The following FARP1 variants were observed in gnomAD, a reference collection of about 807,000 sequenced individuals.
The protein encoded by FARP1 is FERM, ARHGEF and pleckstrin domain-containing protein 1.
In FARP1, 52 loss-of-function variants were observed where a neutral mutation model predicts 128.8. That is an observed-to-expected ratio of 0.40 (90% confidence interval 0.32 to 0.51). FARP1 has a LOEUF of 0.51. Among genes scored for constraint, FARP1 ranks in the 20% least tolerant of loss-of-function variants. The pLI, the probability that FARP1 is intolerant of heterozygous loss-of-function variation, is 0.45. For missense variants in FARP1, 1,333 were observed against 1,367.9 expected, an observed-to-expected ratio of 0.97 and a Z score of 0.40; for synonymous variants, 580 against 551.8, an observed-to-expected ratio of 1.05 and a Z score of -0.72.
intron 3 of FARP1, among the ~76,000 whole-genome samples, 173 bp from the exon 4 acceptor site, chr13:98,365,222 G>C (rs1889035132): frequency 6.6e-6 from 1 of 152,176 alleles, no homozygotes; most frequent in Non-Finnish European, 1.5e-5. Context: ...ATTAGGATCT[G>C]TTTTATAAAA....
intron 1 of FARP1, among the ~76,000 whole-genome samples, chr13:98,151,048 A>G (rs1167796814): frequency 6.6e-6 from 1 of 151,954 alleles, no homozygotes; most frequent in Non-Finnish European, 1.5e-5. Flanking sequence ...TGAATAAACA[A>G]TTCACAGGTC....
chr13:98,395,503 A>G (rs780910186), intron 13 of FARP1, 27 bp downstream of exon 13: 3 of 1,554,856 alleles, frequency 1.9e-6, no homozygotes, highest in Non-Finnish European at 2.6e-6. Flanking sequence ...TGCCAGAGGC[A>G]GCAGTACTTC....
chr13:98,200,671 C>T (rs535934851), intron 1 of FARP1, among the ~76,000 whole-genome samples: 2 of 152,108 alleles, frequency 1.3e-5, no homozygotes, highest in East Asian at 3.9e-4. Context: ...TAAGGGAGAC[C>T]CCTGCCCTCG....
chr13:98,157,407 C>T (rs551318552), intron 1 of FARP1, among the ~76,000 whole-genome samples: 4 of 152,160 alleles, frequency 2.6e-5, no homozygotes, highest in South Asian at 2.1e-4. Flanking sequence ...GCCACTGCCC[C>T]GGCCTTCCAC....
intron 6 of FARP1, among the ~76,000 whole-genome samples, chr13:98,378,939 C>A (rs189635838): frequency 0.037 from 2,087 of 56,036 alleles, 160 homozygotes; most frequent in African/African-American, 0.11. Flanking sequence ...AATATATAAT[C>A]TATATATAAT....
chr13:98,259,485 T>G (rs533442079), intron 2 of FARP1, among the ~76,000 whole-genome samples: 10 of 152,134 alleles, frequency 6.6e-5, no homozygotes, highest in African/African-American at 2.4e-4. Context: ...TGTCCCTGTG[T>G]TGGGCCTCCC....
intron 15 of FARP1, among the ~76,000 whole-genome samples, chr13:98,411,357 C>G (rs914844241): frequency 2.0e-5 from 3 of 152,176 alleles, no homozygotes; most frequent in Admixed American, 2.0e-4. Flanking sequence ...AAATTGGGAT[C>G]ACTGAGTTTC....
intron 4 of FARP1, 91 bp downstream of exon 4, chr13:98,365,528 C>G (rs1349976174): frequency 2.3e-6 from 2 of 864,602 alleles, no homozygotes; most frequent in South Asian, 1.8e-5. Flanking sequence ...GCATGAAGCA[C>G]TAGAAACACA....
Position 98,448,525 on chromosome 13 carries a change from G to A in FARP1, c.*208G>A. 5 of 567,858 alleles carry A rather than the reference G, an allele frequency of 8.8e-6. No homozygotes were observed. Among genetic ancestry groups the A allele is most frequent in the East Asian group, 3.0e-5 (1 of 33,498 alleles). 35.2% of individuals were successfully genotyped at this position (567,858 alleles called of 1,614,324 possible). On this transcript the variant is annotated 3_prime_UTR_variant, in exon 27 of 27. Transcript: ENST00000319562. ...GCTCCCACCTCCAGTCCTGGCATCC[G>A]CTGGGGGCGCTGTTCTTTAGCTAGT... is the stretch of plus-strand genomic sequence containing the variant.
At chr13:98,296,466 G>A (rs1885694406) in intron 2 of FARP1, among the ~76,000 whole-genome samples, 1 of 151,868 alleles carries the variant, frequency 6.6e-6, no homozygotes, top group African/African-American at 2.4e-5. Flanking sequence ...TCGCCAGAGT[G>A]GACATGGGCA....
intron 2 of FARP1, among the ~76,000 whole-genome samples, chr13:98,247,016 A>G (rs1883104153): frequency 1.3e-5 from 2 of 152,202 alleles, no homozygotes; most frequent in Admixed American, 6.5e-5. Flanking sequence ...ACCTGAGGTC[A>G]GGGGTTCAAG....
At chr13:98,193,883 T>G (rs915870115) in intron 1 of FARP1, among the ~76,000 whole-genome samples, 20 of 152,182 alleles carry the variant, frequency 1.3e-4, no homozygotes, top group African/African-American at 4.3e-4. Flanking sequence ...TCCTGAGTCC[T>G]TTTATTTATA....
rs1389384690 is a variant in FARP1, at chr13:98,451,436, A to T, written c.*3119A>T. 6.6e-6 allele frequency: 1 copy of T among 152,204 alleles called. No homozygotes were observed. The highest frequency in any genetic ancestry group is 2.4e-5 in the African/African-American group (1 of 41,444). 9.4% of individuals were successfully genotyped at this position (152,204 alleles called of 1,614,324 possible). A position where few individuals can be genotyped will look rare whatever the true frequency, so the allele number is the denominator to read the frequency against. On this transcript the variant is annotated 3_prime_UTR_variant, in exon 27 of 27. Transcript: ENST00000319562. ...ATTAGCAACTCAGTTCTATTTCCCC[A>T]ACCAAAATATATCCCTTATACAAAT...
At chr13:98,222,655 C>A (rs1881486841) in intron 2 of FARP1, among the ~76,000 whole-genome samples, 1 of 151,296 alleles carries the variant, frequency 6.6e-6, no homozygotes, top group East Asian at 1.9e-4. Flanking sequence ...CGGAGTCTTG[C>A]TCTGTTGCTA....
chr13:98,304,762 G>A (rs1192253283), intron 2 of FARP1, among the ~76,000 whole-genome samples: 3 of 152,216 alleles, frequency 2.0e-5, no homozygotes, highest in Non-Finnish European at 4.4e-5. Flanking sequence ...ATGCCTCCCT[G>A]TCTCTCTTCA....
chr13:98,154,485 A>G (rs1876359798), intron 1 of FARP1, among the ~76,000 whole-genome samples: 1 of 152,102 alleles, frequency 6.6e-6, no homozygotes, highest in Admixed American at 6.6e-5. Flanking sequence ...AGACTGGAGG[A>G]GCTTTGTTGG....
rs1260204671 is a variant in FARP1 at position 98,266,428 on chromosome 13, C to T, written c.171+53015C>T. On this transcript the variant is annotated intron_variant, in intron 2 of 26. Coordinates refer to ENST00000319562, the MANE Select transcript of FARP1 (RefSeq NM_005766.4). ...CAGGATTCACAATAGTGACCTTGTC[C>T]TTTGGAGGAAGTAGGAGGTGAAGTC... Among the ~76,000 whole-genome samples the T allele has an allele frequency of 3.3e-5, 5 of 152,082 alleles. No individual in the cohort carries two copies. In the South Asian group the frequency reaches 8.3e-4, roughly 25 times the overall value.
chr13:98,426,095 T>C (rs552147007), intron 17 of FARP1, among the ~76,000 whole-genome samples: 82 of 152,302 alleles, frequency 5.4e-4, no homozygotes, highest in Non-Finnish European at 1.0e-3. Flanking sequence ...GAGCACCTAC[T>C]ATACACAAGA....
chr13:98,300,788 A>G (rs1885892859), intron 2 of FARP1, among the ~76,000 whole-genome samples: 1 of 152,246 alleles, frequency 6.6e-6, no homozygotes, highest in Admixed American at 6.5e-5. Flanking sequence ...TTTCTTTGAA[A>G]ATAGACTTCT....
Sources: allele counts gnomAD v4.1 joint callset (sites outside exome capture counted in the v4.1 genomes callset), GRCh38; gene constraint gnomAD v4.1.1; transcripts MANE v1.5; gene names NCBI Gene and HGNC (gene_info 2026-07-23, HGNC 2026-07-21).